The following MYO9B variants were observed in gnomAD, a reference collection of about 807,000 sequenced individuals.
MYO9B encodes unconventional myosin-IXb.
A neutral mutation model predicts 229.5 loss-of-function variants in MYO9B; 71 were observed. That is an observed-to-expected ratio of 0.31 (90% CI 0.26 to 0.38). The LOEUF (loss-of-function observed/expected upper bound fraction) is 0.38. Among genes scored for constraint, MYO9B ranks in the 10% least tolerant of loss-of-function variants. The probability of loss-of-function intolerance (pLI) is 1.00; values close to 1 mark genes in which losing one functional copy is unlikely to be tolerated. For missense variants in MYO9B, 2,255 were observed against 2,920.5 expected, an observed-to-expected ratio of 0.77 and a Z score of 5.25; for synonymous variants, 1,185 against 1,235.8, an observed-to-expected ratio of 0.96 and a Z score of 0.86.
chr19:17,098,818 CCAGCTACTTGTGAGG>C (rs1221283418), intron 1 of MYO9B, among the ~76,000 whole-genome samples: 1 of 151,796 alleles, frequency 6.6e-6, no homozygotes, highest in Non-Finnish European at 1.5e-5. Context: ...ACCTATAGTC[CCAGCTACTTGTGAGG>C]CAGAGGTGAG....
intron 1 of MYO9B, among the ~76,000 whole-genome samples, chr19:17,080,595 T>C (rs2057525451): frequency 6.6e-6 from 1 of 152,130 alleles, no homozygotes; most frequent in South Asian, 2.1e-4. Context: ...AGGCGAGGCT[T>C]GGTGGCACAC....
At position 17,212,083 on chromosome 19, in the gene MYO9B, T is replaced by C. The variant is rs1330282425; in HGVS notation, c.6247T>C (p.Trp2083Arg). 1.3e-6 allele frequency: 2 copies of C among 1,595,244 alleles called. No individual in the cohort carries two copies. Among genetic ancestry groups the C allele is most frequent in the Non-Finnish European group, 1.7e-6 (2 of 1,172,804 alleles). The change falls in exon 40 of 40, where the codon TGG becomes CGG. Residue 2083 changes from tryptophan to arginine, a missense_variant. By Grantham distance (101) the Trp-to-Arg change is moderately radical. This residue lies in a region of MYO9B where 331 missense variants were observed against 332.5 expected (regional missense o/e 1.00). Transcript: ENST00000682292. This position sits in a 1 kb window ranked among gnomAD's most constrained non-coding sequence, Gnocchi z 5.4. ...AGGCCTGCCCTCCCACCTGCCTCGC[T>C]GGGCACCGGGTGCCCGGGAGGCGGC... ...PPGLPSHLPR[W>R]APGAREAAAP... is the part of the protein sequence containing the mutation.
chr19:17,184,745 G>A, intron 16 of MYO9B, 120 bp from the exon 17 acceptor site: 1 of 1,352,158 alleles, frequency 7.4e-7, no homozygotes, highest in Non-Finnish European at 1.0e-6. Flanking sequence ...CCTAAGAGCT[G>A]CTGCCCGGGC....
At position 17,102,563 on chromosome 19, in the gene MYO9B, C is replaced by T. The variant is rs569386447; in HGVS notation, c.840+6C>T. 1.3e-5 allele frequency: 20 copies of T among 1,571,960 alleles called. No individual in the cohort carries two copies. The highest frequency in any genetic ancestry group is 9.4e-5 in the African/African-American group (7 of 74,090). Reference sequence around the variant, plus strand: ...GTGCTGGCCCTGTGCTGGAGGTGAGCGGGGAAGCTGGTCGGTCTGTGGGAG... The same window carrying T: ...GTGCTGGCCCTGTGCTGGAGGTGAGTGGGGAAGCTGGTCGGTCTGTGGGAG... On this transcript the variant is annotated splice_donor_region_variant and intron_variant, in intron 2 of 39. Coordinates refer to ENST00000682292, the MANE Select transcript of MYO9B (RefSeq NM_004145.4).
At chr19:17,115,469 C>CG (rs2057892838) in intron 2 of MYO9B, among the ~76,000 whole-genome samples, 1 of 132,508 alleles carries the variant, frequency 7.5e-6, no homozygotes, top group Non-Finnish European at 1.6e-5. Flanking sequence ...TCACAGATGC[C>CG]TTTTTTTTTT....
At chr19:17,080,637 G>T (rs2057525960) in intron 1 of MYO9B, among the ~76,000 whole-genome samples, 1 of 152,152 alleles carries the variant, frequency 6.6e-6, no homozygotes, top group South Asian at 2.1e-4. Context: ...GGAGGCTGAG[G>T]CAGGAGGATC....
In MYO9B at chr19:17,075,827, G is replaced by C. The variant is rs1392500667; in HGVS notation, c.-106G>C. ...GCGGCGGGCTGGCAGGCGGTCGTCC[G>C]GCCGGGGACCCGGCCCGGGACCGGC... On this transcript the variant is annotated 5_prime_UTR_variant, in exon 1 of 40. Coordinates refer to ENST00000682292, the MANE Select transcript of MYO9B (RefSeq NM_004145.4). 6.6e-6 allele frequency: 1 copy of C among 150,524 alleles called. No homozygotes were observed. The highest frequency in any genetic ancestry group is 2.4e-5 in the African/African-American group (1 of 41,136). The allele number at this position is 150,524 out of a possible 1,614,324, so 9.3% of individuals were successfully genotyped here. A position where few individuals can be genotyped will look rare whatever the true frequency, so the allele number is the denominator to read the frequency against.
At chr19:17,113,439 CCCCTGCTCG>C (rs967372600) in intron 2 of MYO9B, among the ~76,000 whole-genome samples, 1 of 152,170 alleles carries the variant, frequency 6.6e-6, no homozygotes, top group African/African-American at 2.4e-5. Flanking sequence ...AGGAGTTTCC[CCCCTGCTCG>C]CCCTGCGAGC....
chr19:17,087,701 G>A (rs543755470), intron 1 of MYO9B, among the ~76,000 whole-genome samples: 46 of 152,126 alleles, frequency 3.0e-4, no homozygotes, highest in Non-Finnish European at 6.2e-4. Context: ...AGGCCGAGGC[G>A]GGTGGATCAC....
At position 17,154,398 on chromosome 19, in the gene MYO9B, C is replaced by T; in HGVS notation, c.1182C>T (p.Leu394=). The T allele has an allele frequency of 6.2e-7, 1 of 1,612,046 alleles. No individual in the cohort carries two copies. The highest frequency in any genetic ancestry group is 8.5e-7 in the Non-Finnish European group (1 of 1,178,594). ...AGGCCATGGAGATGGTGGGCTTCCT[C>T]CCCGCCACCAAGAAGCAGTAAGTGT... The part of the protein sequence containing the change: ...LKQAMEMVGF[L]PATKKQIFAV... Residue 394 remains leucine (L), a synonymous_variant, in exon 6 of 40, where the codon CTC becomes CTT. Transcript: ENST00000682292.
chr19:17,088,410 G>A (rs1222891416), intron 1 of MYO9B, among the ~76,000 whole-genome samples: 1 of 152,098 alleles, frequency 6.6e-6, no homozygotes, highest in East Asian at 1.9e-4. Flanking sequence ...CATGAGTTTT[G>A]GGGAGCACGA....
At chr19:17,136,645 T>C (rs952659578) in intron 2 of MYO9B, among the ~76,000 whole-genome samples, 1 of 151,982 alleles carries the variant, frequency 6.6e-6, no homozygotes, top group Non-Finnish European at 1.5e-5. Flanking sequence ...CACCGTGTAG[T>C]GCACAGGACG....
chr19:17,119,638 T>C (rs2057942088), intron 2 of MYO9B, among the ~76,000 whole-genome samples: 1 of 151,932 alleles, frequency 6.6e-6, no homozygotes, highest in Non-Finnish European at 1.5e-5. Context: ...GTTTTTTGTT[T>C]GTTTGTTTGT....
At chr19:17,210,659 G>A (rs1243944530) in intron 37 of MYO9B, 56 bp from the exon 38 acceptor site, 6 of 1,484,630 alleles carry the variant, frequency 4.0e-6, no homozygotes, top group Non-Finnish European at 5.4e-6. Context: ...CACACCTCCG[G>A]CAGTAACCTC....
chr19:17,104,183 A>T (rs2057772217), intron 2 of MYO9B, among the ~76,000 whole-genome samples: 1 of 152,124 alleles, frequency 6.6e-6, no homozygotes, highest in Non-Finnish European at 1.5e-5. Context: ...TCACAACGGG[A>T]CATTTCTAGG....
chr19:17,105,768 G>A lies in MYO9B; in HGVS notation c.840+3211G>A, dbSNP rs554664655. On this transcript the variant is annotated intron_variant, in intron 2 of 39. Transcript: ENST00000682292. ...AAGCAGTGCCTAGGAATACATTTCA[G>A]TTCCTCTTCCTCTCTGAGGTCATCA... is the stretch of plus-strand genomic sequence containing the variant. Among the ~76,000 whole-genome samples, 5 of 152,204 alleles carry A rather than the reference G, an allele frequency of 3.3e-5. No homozygotes were observed. In the South Asian group the frequency reaches 1.0e-3, roughly 32 times the overall value.
intron 35 of MYO9B, among the ~76,000 whole-genome samples, chr19:17,209,018 G>A (rs546365756): frequency 8.0e-4 from 122 of 152,174 alleles, no homozygotes; most frequent in African/African-American, 2.9e-3. Flanking sequence ...TCCAAGCTGA[G>A]TCCCTCTGGT....
intron 1 of MYO9B, among the ~76,000 whole-genome samples, chr19:17,083,207 T>C (rs1462323933): frequency 6.6e-6 from 1 of 151,904 alleles, no homozygotes; most frequent in Non-Finnish European, 1.5e-5. Context: ...GGCTAATTTT[T>C]GTATTGTTTA....
chr19:17,113,734 G>A (rs868110697), intron 2 of MYO9B, among the ~76,000 whole-genome samples: 3 of 152,152 alleles, frequency 2.0e-5, no homozygotes, highest in Admixed American at 1.3e-4. Flanking sequence ...TTGCACAAAG[G>A]TAGGGGGAAG....
Sources: allele counts gnomAD v4.1 joint callset (sites outside exome capture counted in the v4.1 genomes callset), GRCh38; gene constraint gnomAD v4.1.1; regional missense constraint gnomAD v4.1.1; non-coding constraint Gnocchi (gnomAD v3.1); transcripts MANE v1.5; gene names NCBI Gene and HGNC (gene_info 2026-07-23, HGNC 2026-07-21).